The following AGTRAP variants were observed in gnomAD, a reference collection of about 807,000 sequenced individuals.
The protein encoded by AGTRAP is type-1 angiotensin II receptor-associated protein.
AGTRAP carries 7 observed loss-of-function variants against 15.2 expected under a neutral mutation model. The observed-to-expected ratio is 0.46, with a 90% confidence interval of 0.26 to 0.87. The LOEUF (loss-of-function observed/expected upper bound fraction) is 0.87. AGTRAP is among the 40% of genes least tolerant of loss of function. AGTRAP has a pLI of 0.15. For missense variants in AGTRAP, 187 were observed against 213.4 expected (o/e 0.88, Z 0.77); for synonymous variants, 74 against 89.6 (o/e 0.83, Z 0.98).
chr1:11,749,872 A>G (rs183000686), intron 4 of AGTRAP, among the ~76,000 whole-genome samples: 17 of 152,130 alleles, frequency 1.1e-4, no homozygotes, highest in Admixed American at 5.9e-4. Context: ...GACAATAAAA[A>G]TACCCGTCGC....
chr1:11,747,458 A>G lies in AGTRAP; in HGVS notation c.81A>G (p.Ser27=), dbSNP rs202125743. 14 of 1,613,786 alleles carry G rather than the reference A, an allele frequency of 8.7e-6. No homozygotes were observed. Among genetic ancestry groups the G allele is most frequent in the Non-Finnish European group, 1.2e-5 (14 of 1,179,826 alleles). The stretch of plus-strand genomic sequence containing the variant: ...CCTACAGGGGCTGCATTGTATTCTC[A>G]GGCTCCTATGCCTGGGCCAACTTCA... ...LLTTWGCIVF[S]GSYAWANFTI... Residue 27 remains serine, a synonymous_variant, in exon 3 of 5, where the codon TCA becomes TCG. Coordinates refer to ENST00000314340, the MANE Select transcript of AGTRAP (RefSeq NM_020350.5).
rs1641900791 is a variant in AGTRAP, at chr1:11,736,523, A to G, written c.27+288A>G. Among the ~76,000 whole-genome samples, 3 of 152,184 alleles carry G rather than the reference A, an allele frequency of 2.0e-5. No homozygotes were observed. The South Asian group carries it at 6.2e-4, about 31-fold the overall frequency. On this transcript the variant is annotated intron_variant, in intron 1 of 4. Transcript: ENST00000314340. The stretch of plus-strand genomic sequence containing the variant: ...CCTCCCAGCGGGCAGCGCCGGTCCC[A>G]GCATTGCTGTTGCCTGCACGCCCAG...
chr1:11,748,841 G>A (rs1384915341), intron 4 of AGTRAP, among the ~76,000 whole-genome samples: 1 of 152,220 alleles, frequency 6.6e-6, no homozygotes, highest in African/African-American at 2.4e-5. Context: ...TTCTTCTGCT[G>A]TGAAGCTGAG....
Position 11,745,773 on chromosome 1 carries a change from A to T in AGTRAP, c.28-30A>T. On this transcript the variant is annotated intron_variant, in intron 1 of 4. Transcript: ENST00000314340. This position sits in a 1 kb window ranked among gnomAD's most constrained non-coding sequence, Gnocchi z 4.2. Reference sequence around the variant, plus strand: ...GCCCCTGTGGTGGTCATGTTCACAGACCTCTTCTCTCCCCCTTGTTGTGCC... The same window carrying T: ...GCCCCTGTGGTGGTCATGTTCACAGTCCTCTTCTCTCCCCCTTGTTGTGCC... 1.2e-6 allele frequency: 2 copies of T among 1,613,280 alleles called. No individual in the cohort carries two copies. Among genetic ancestry groups the T allele is most frequent in the Non-Finnish European group, 1.7e-6 (2 of 1,179,642 alleles).
chr1:11,740,662 C>T lies in AGTRAP; in HGVS notation c.27+4427C>T, dbSNP rs553480240. 3.9e-5 allele frequency among the ~76,000 whole-genome samples: 6 copies of T among 152,296 alleles called. No homozygotes were observed. In the East Asian group the frequency reaches 9.7e-4, roughly 25 times the overall value. On this transcript the variant is annotated intron_variant, in intron 1 of 4. Coordinates refer to ENST00000314340, the MANE Select transcript of AGTRAP (RefSeq NM_020350.5). Reference sequence around the variant, plus strand: ...GGTATCCTGCGGATCAGAGGCCCCCCTGGGACTCAGCCTTTCATGCTAACT... The same window carrying T: ...GGTATCCTGCGGATCAGAGGCCCCCTTGGGACTCAGCCTTTCATGCTAACT...
At chr1:11,746,254 T>G in intron 2 of AGTRAP, 1 of 1,552,928 alleles carries the variant, frequency 6.4e-7, no homozygotes, top group Non-Finnish European at 8.8e-7. Context: ...CCATCATGAT[T>G]CACGACCTTG....
At chr1:11,746,449 T>C (rs576741757) in intron 2 of AGTRAP, 2 of 495,336 alleles carry the variant, frequency 4.0e-6, no homozygotes, top group East Asian at 3.4e-5. Context: ...TGTTACACTT[T>C]AGTGAATGTC....
intron 2 of AGTRAP, among the ~76,000 whole-genome samples, chr1:11,747,116 G>A (rs1642182370): frequency 6.6e-6 from 1 of 152,234 alleles, no homozygotes; most frequent in Non-Finnish European, 1.5e-5. Context: ...ACAGAAAACT[G>A]TTGGAGGATT....
chr1:11,746,027 C>T (rs753604877), intron 2 of AGTRAP, 190 bp downstream of exon 2: 32 of 1,342,012 alleles, frequency 2.4e-5, no homozygotes, highest in South Asian at 6.0e-5. Flanking sequence ...GGGAGGGAGA[C>T]GTGGAAGTGC....
At chr1:11,736,273 G>A (rs1254696484) in intron 1 of AGTRAP, 38 bp downstream of exon 1, 1 of 1,598,162 alleles carries the variant, frequency 6.3e-7, no homozygotes, top group East Asian at 2.3e-5. Flanking sequence ...CTTTGCGGGA[G>A]GAAGTGGGAC....
intron 1 of AGTRAP, among the ~76,000 whole-genome samples, chr1:11,741,802 C>G (rs140612374): frequency 1.5e-3 from 228 of 152,268 alleles, no homozygotes; most frequent in African/African-American, 5.3e-3. Context: ...AGGAAGCGCT[C>G]AATAGTAGAC....
rs17875936 is a variant in AGTRAP at position 11,745,714 on chromosome 1, G to A, written c.28-89G>A. 2.3e-3 allele frequency: 3,300 copies of A among 1,416,850 alleles called. 67 individuals carry two copies. The African/African-American group carries it at 0.041, about 18-fold the overall frequency. The allele number at this position is 1,416,850 out of a possible 1,614,324, so 87.8% of individuals were successfully genotyped here. On this transcript the variant is annotated intron_variant, in intron 1 of 4. Transcript: ENST00000314340. The surrounding 1 kb of genome is among the most constrained non-coding windows in gnomAD (Gnocchi z 4.2). The stretch of plus-strand genomic sequence containing the variant: ...GGCCCTCAGAGGTGCCAGGCGCAGG[G>A]GCGTCCTGTGTTTTCTGCACCCGAC...
chr1:11,744,995 C>T (rs1642125236), intron 1 of AGTRAP, among the ~76,000 whole-genome samples: 1 of 151,794 alleles, frequency 6.6e-6, no homozygotes, highest in Non-Finnish European at 1.5e-5. Flanking sequence ...GCTGGGATTA[C>T]AGGCACACAC....
At chr1:11,746,002 C>T (rs761878229) in intron 2 of AGTRAP, 165 bp downstream of exon 2, 18 of 1,328,060 alleles carry the variant, frequency 1.4e-5, no homozygotes, top group Admixed American at 1.7e-5. Context: ...AAGGATTGCA[C>T]ACCCTGCAGG....
chr1:11,747,580 G>C (rs1642195942), intron 3 of AGTRAP, 35 bp downstream of exon 3: 1 of 1,601,818 alleles, frequency 6.2e-7, no homozygotes. Context: ...GCAAGGCGGG[G>C]AGCCGCAGCA....
chr1:11,744,206 T>C (rs1642104642), intron 1 of AGTRAP, among the ~76,000 whole-genome samples: 1 of 152,134 alleles, frequency 6.6e-6, no homozygotes, highest in African/African-American at 2.4e-5. Flanking sequence ...GCCCAGGAGT[T>C]TGAGGCTGCA....
At chr1:11,736,986 T>G (rs900962524) in intron 1 of AGTRAP, among the ~76,000 whole-genome samples, 3 of 152,148 alleles carry the variant, frequency 2.0e-5, no homozygotes, top group African/African-American at 7.2e-5. Flanking sequence ...GTCAGGAAGG[T>G]GTGGACCTTG....
intron 2 of AGTRAP, chr1:11,746,315 G>T: frequency 1.7e-6 from 2 of 1,182,012 alleles, no homozygotes; most frequent in Non-Finnish European, 2.4e-6. Flanking sequence ...CCAAGATTCT[G>T]AGTTGGTGAT....
chr1:11,745,724 G>GT lies in AGTRAP; in HGVS notation c.28-75dup. Reference sequence around the variant, plus strand: ...GGTGCCAGGCGCAGGGGCGTCCTGTGTTTTCTGCACCCGACGCTTTCCTGC... The same window carrying GT: ...GGTGCCAGGCGCAGGGGCGTCCTGTGTTTTTCTGCACCCGACGCTTTCCTGC... On this transcript the variant is annotated intron_variant, in intron 1 of 4. Transcript: ENST00000314340. The surrounding 1 kb of genome is among the most constrained non-coding windows in gnomAD (Gnocchi z 4.2). 1 of 1,533,212 alleles carries GT rather than the reference G, an allele frequency of 6.5e-7. No individual in the cohort carries two copies. The highest frequency in any genetic ancestry group is 1.1e-5 in the South Asian group (1 of 89,468). The allele number at this position is 1,533,212 out of a possible 1,614,324, so 95.0% of individuals were successfully genotyped here. A position where few individuals can be genotyped will look rare whatever the true frequency, so the allele number is the denominator to read the frequency against.
Sources: allele counts gnomAD v4.1 joint callset (sites outside exome capture counted in the v4.1 genomes callset), GRCh38; gene constraint gnomAD v4.1.1; non-coding constraint Gnocchi (gnomAD v3.1); transcripts MANE v1.5; gene names NCBI Gene and HGNC (gene_info 2026-07-23, HGNC 2026-07-21).